The following UHRF2 variants were observed in gnomAD, a reference collection of about 807,000 sequenced individuals.
UHRF2 encodes E3 ubiquitin-protein ligase UHRF2.
UHRF2 carries 23 observed loss-of-function variants against 96.8 expected under a neutral mutation model. The observed-to-expected ratio is 0.24, with a 90% confidence interval of 0.17 to 0.34. The LOEUF (loss-of-function observed/expected upper bound fraction) is 0.34. Ranked by LOEUF, UHRF2 falls within the 10% of genes least tolerant of loss-of-function variation. The pLI is 1.00. For synonymous variants in UHRF2, 385 were observed against 332.6 expected (o/e 1.16, Z -1.72); for missense variants, 685 against 981.5 (o/e 0.70, Z 4.04).
chr9:6,497,964 A>T, intron 11 of UHRF2, 54 bp from the exon 12 acceptor site: 1 of 1,597,692 alleles, frequency 6.3e-7, no homozygotes, highest in Non-Finnish European at 8.5e-7. Context: ...CACTAATGTG[A>T]TGAATAAGTC....
At chr9:6,491,728 G>A (rs1431719673) in intron 9 of UHRF2, among the ~76,000 whole-genome samples, 3 of 152,180 alleles carry the variant, frequency 2.0e-5, no homozygotes, top group Non-Finnish European at 2.9e-5. Context: ...GAAGAACTGA[G>A]TTACTTTGGG....
chr9:6,503,151 C>G (rs1337443492), intron 14 of UHRF2, among the ~76,000 whole-genome samples: 1 of 152,062 alleles, frequency 6.6e-6, no homozygotes, highest in Non-Finnish European at 1.5e-5. Context: ...CCCGCCACCA[C>G]GCCCGGCTAA....
rs145651451 is a variant in UHRF2 at position 6,414,735 on chromosome 9, C to G, written c.153+1092C>G. On this transcript the variant is annotated intron_variant, in intron 1 of 15. Coordinates refer to ENST00000276893, the MANE Select transcript of UHRF2 (RefSeq NM_152896.3). ...CTACTTAAAAGGAATATTTTCCTCC[C>G]CTTCACAGGCTTAGTCTTCGAAGAC... Among the ~76,000 whole-genome samples, 861 of 152,286 alleles carry G rather than the reference C, an allele frequency of 5.7e-3. 4 individuals carry two copies. The highest frequency in any genetic ancestry group is 0.019 in the African/African-American group (798 of 41,536).
At chr9:6,489,621 T>G (rs1453327579) in intron 9 of UHRF2, among the ~76,000 whole-genome samples, 1 of 152,226 alleles carries the variant, frequency 6.6e-6, no homozygotes, top group Non-Finnish European at 1.5e-5. Flanking sequence ...TAGGTGTGTG[T>G]TGATATCTTA....
At chr9:6,447,428 A>G (rs1821584279) in intron 3 of UHRF2, among the ~76,000 whole-genome samples, 1 of 152,156 alleles carries the variant, frequency 6.6e-6, no homozygotes, top group Non-Finnish European at 1.5e-5. Context: ...TGATGGAAAT[A>G]TGCATACCTA....
rs367676322 is a variant in UHRF2, at chr9:6,502,912, C to G, written c.2164-1681C>G. Among the ~76,000 whole-genome samples, 28 of 152,272 alleles carry G rather than the reference C, an allele frequency of 1.8e-4. No homozygotes were observed. In the South Asian group the frequency reaches 5.2e-3, roughly 28 times the overall value. Reference sequence around the variant, plus strand: ...CTGTAATATATTTGACTTTAATGATCCATGTTCATAAATCAGTTAATATGA... The same window carrying G: ...CTGTAATATATTTGACTTTAATGATGCATGTTCATAAATCAGTTAATATGA... On this transcript the variant is annotated intron_variant, in intron 14 of 15. Transcript: ENST00000276893.
intron 3 of UHRF2, among the ~76,000 whole-genome samples, chr9:6,436,116 T>C (rs1209822465): frequency 1.3e-5 from 2 of 152,230 alleles, no homozygotes; most frequent in African/African-American, 2.4e-5. Flanking sequence ...AATATTATGC[T>C]ACCAAATTCT....
At chr9:6,503,215 A>C (rs1470086225) in intron 14 of UHRF2, among the ~76,000 whole-genome samples, 1 of 152,080 alleles carries the variant, frequency 6.6e-6, no homozygotes, top group Non-Finnish European at 1.5e-5. Flanking sequence ...AGGTTGGTCT[A>C]GCACTCCTGA....
intron 1 of UHRF2, chr9:6,415,462 A>C (rs565345696): frequency 6.6e-6 from 1 of 152,312 alleles, no homozygotes; most frequent in East Asian, 1.9e-4. Flanking sequence ...ACAAGTAGCT[A>C]TGGCAATGAG....
At chr9:6,460,101 G>C (rs548919010) in intron 3 of UHRF2, among the ~76,000 whole-genome samples, 2 of 152,298 alleles carry the variant, frequency 1.3e-5, no homozygotes, top group African/African-American at 2.4e-5. Context: ...GAATAGTTTT[G>C]CTCTGGGAAG....
chr9:6,469,743 TATAC>T (rs1823120625), intron 4 of UHRF2, among the ~76,000 whole-genome samples: 2 of 149,184 alleles, frequency 1.3e-5, no homozygotes, highest in Non-Finnish European at 3.0e-5. Context: ...CGTGTATATA[TATAC>T]ACGTATATAT....
chr9:6,489,052 C>G (rs184281053), intron 9 of UHRF2, among the ~76,000 whole-genome samples: 1 of 151,494 alleles, frequency 6.6e-6, no homozygotes, highest in East Asian at 2.0e-4. Context: ...TCAAGTGACC[C>G]GCCTACCTCA....
At chr9:6,478,386 G>C (rs1265369178) in intron 6 of UHRF2, among the ~76,000 whole-genome samples, 2 of 152,162 alleles carry the variant, frequency 1.3e-5, no homozygotes, top group Non-Finnish European at 2.9e-5. Flanking sequence ...AACCATGTTA[G>C]ATATCCTTGT....
chr9:6,460,693 A>G lies in UHRF2; in HGVS notation c.765A>G (p.Glu255=). 1 of 1,613,934 alleles carries G rather than the reference A, an allele frequency of 6.2e-7. No individual in the cohort carries two copies. The highest frequency in any genetic ancestry group is 2.2e-5 in the East Asian group (1 of 44,836). ...GDVVMVNYNV[E]SPGQRGFWFD... ...TGGTAATGGTTAATTATAATGTAGA[A>G]AGTCCTGGACAAAGAGGATTCTGGT... The change falls in exon 4 of 16, where the codon GAA becomes GAG. Residue 255 remains glutamate, a synonymous_variant. Coordinates refer to ENST00000276893, the MANE Select transcript of UHRF2 (RefSeq NM_152896.3).
Position 6,414,583 on chromosome 9 carries a change from C to G in UHRF2, c.153+940C>G, listed in dbSNP as rs140543061. On this transcript the variant is annotated intron_variant, in intron 1 of 15. Transcript: ENST00000276893. ...TCAGACCCATCGTATTTTTCTTTGT[C>G]TTCATGTTGTTGTTAATACACTAAA... Among the ~76,000 whole-genome samples, 370 of 152,246 alleles carry G rather than the reference C, an allele frequency of 2.4e-3. 2 individuals are homozygous for G. Among genetic ancestry groups the G allele is most frequent in the African/African-American group, 7.4e-3 (307 of 41,542 alleles).
In UHRF2 at chr9:6,413,425, G is replaced by A. The variant is rs567064255; in HGVS notation, c.-66G>A. On this transcript the variant is annotated 5_prime_UTR_variant, in exon 1 of 16. Transcript: ENST00000276893. ...AGCCGCAGGGAAAGCGGCGCGGGCC[G>A]GGCGGGGCGCGGCGCCCAGAGCTCA... The A allele has an allele frequency of 2.0e-5, 26 of 1,309,582 alleles. No individual in the cohort carries two copies. In the East Asian group the frequency reaches 5.8e-4, roughly 29 times the overall value. 81.1% of individuals were successfully genotyped at this position (1,309,582 alleles called of 1,614,324 possible).
Position 6,475,429 on chromosome 9 carries a change from C to G in UHRF2, c.902C>G (p.Ser301Cys). Residue 301 changes from serine to cysteine, a missense_variant, in exon 5 of 16, where the codon TCT (serine) becomes TGT (cysteine). This residue lies in a region of UHRF2 where 391 missense variants were observed against 437.0 expected (regional missense o/e 0.89). Coordinates refer to ENST00000276893, the MANE Select transcript of UHRF2 (RefSeq NM_152896.3). ...ACATTAAATGACTGCAAGATAATAT[C>G]TGTAGATGAAATCTTCAAGATTGAG... ...EGTLNDCKII[S>C]VDEIFKIERP... 6.3e-7 allele frequency: 1 copy of G among 1,586,082 alleles called. No homozygotes were observed. Among genetic ancestry groups the G allele is most frequent in the Non-Finnish European group, 8.6e-7 (1 of 1,165,456 alleles).
At chr9:6,436,199 G>A (rs575500136) in intron 3 of UHRF2, among the ~76,000 whole-genome samples, 1 of 152,140 alleles carries the variant, frequency 6.6e-6, no homozygotes, top group Non-Finnish European at 1.5e-5. Flanking sequence ...CAACACTTCA[G>A]TATTCAGATT....
chr9:6,424,576 TAG>T (rs1820133814), intron 2 of UHRF2, among the ~76,000 whole-genome samples: 1 of 152,174 alleles, frequency 6.6e-6, no homozygotes, highest in South Asian at 2.1e-4. Context: ...TTGAAGATAG[TAG>T]AGAGAGTTCC....
Sources: allele counts gnomAD v4.1 joint callset (sites outside exome capture counted in the v4.1 genomes callset), GRCh38; gene constraint gnomAD v4.1.1; regional missense constraint gnomAD v4.1.1; transcripts MANE v1.5; gene names NCBI Gene and HGNC (gene_info 2026-07-23, HGNC 2026-07-21).